ACYP2: variants seen among roughly 807,000 people sequenced by gnomAD.
ACYP2 encodes the protein acylphosphatase 2.
In ACYP2, 12 loss-of-function variants were observed where a neutral mutation model predicts 11.2. The observed-to-expected ratio is 1.08, with a 90% confidence interval of 0.69 to 1.74. ACYP2 has a LOEUF of 1.74. ACYP2 is among the 40% of genes most tolerant of loss of function. The probability of loss-of-function intolerance (pLI) is 0.00; values close to 1 mark genes in which losing one functional copy is unlikely to be tolerated. For missense variants in ACYP2, 134 were observed against 101.9 expected, an observed-to-expected ratio of 1.31 and a Z score of -1.35; for synonymous variants, 43 against 32.2, an observed-to-expected ratio of 1.33 and a Z score of -1.13.
At position 53,993,185 on chromosome 2, in the gene ACYP2, G is replaced by A. The variant is rs1485699183; in HGVS notation, c.62+19375G>A. 5.9e-5 allele frequency among the ~76,000 whole-genome samples: 9 copies of A among 152,168 alleles called. No individual in the cohort carries two copies. The East Asian group carries it at 7.7e-4, about 13-fold the overall frequency. On this transcript the variant is annotated intron_variant, in intron 2 of 6. Transcript: ENST00000607452. ...GGCACCACTGCACTTCAGCATGGGC[G>A]ACAGAGGTTGACAAGAAAAGGTTTT...
chr2:54,236,125 A>G (rs1686466896), intron 6 of ACYP2, among the ~76,000 whole-genome samples: 1 of 152,128 alleles, frequency 6.6e-6, no homozygotes, highest in East Asian at 1.9e-4. Flanking sequence ...TTTTTGAGAC[A>G]GGGTCTCACC....
intron 2 of ACYP2, among the ~76,000 whole-genome samples, chr2:54,040,417 AT>A (rs1302423893): frequency 2.6e-5 from 4 of 152,148 alleles, no homozygotes; most frequent in Admixed American, 6.6e-5. Context: ...TAGGGGAGAC[AT>A]GCAGACCGGA....
At chr2:54,274,802 A>G (rs1462172383) in intron 6 of ACYP2, among the ~76,000 whole-genome samples, 2 of 152,198 alleles carry the variant, frequency 1.3e-5, no homozygotes, top group African/African-American at 2.4e-5. Flanking sequence ...TATGAGCCAC[A>G]ATATTTGCAA....
chr2:54,018,830 G>T (rs374880473), intron 2 of ACYP2, among the ~76,000 whole-genome samples: 1 of 151,772 alleles, frequency 6.6e-6, no homozygotes, highest in African/African-American at 2.4e-5. Context: ...TCACTACAAC[G>T]TCCGCCTCCC....
At chr2:54,164,863 C>G (rs1213073842) in intron 6 of ACYP2, among the ~76,000 whole-genome samples, 1 of 152,100 alleles carries the variant, frequency 6.6e-6, no homozygotes, top group Non-Finnish European at 1.5e-5. Flanking sequence ...CTCCTCTTGC[C>G]CCTCACCCCC....
chr2:54,265,354 A>C (rs1459979641), intron 6 of ACYP2, among the ~76,000 whole-genome samples: 2 of 152,196 alleles, frequency 1.3e-5, no homozygotes, highest in Non-Finnish European at 2.9e-5. Flanking sequence ...ATCTTATGAG[A>C]CTTATTCACT....
chr2:54,102,638 C>CAAAAAAAAAAAAAAAAAA lies in ACYP2; in HGVS notation c.278-32796_278-32779dup, dbSNP rs58842257. Among the ~76,000 whole-genome samples, 8 of 83,304 alleles carry CAAAAAAAAAAAAAAAAAA rather than the reference C, an allele frequency of 9.6e-5. 2 individuals carry two copies. The highest frequency in any genetic ancestry group is 1.6e-4 in the Non-Finnish European group (7 of 43,296). 54.7% of individuals were successfully genotyped at this position (83,304 alleles called of 152,430 possible). On this transcript the variant is annotated intron_variant, in intron 4 of 6. Transcript: ENST00000607452. ...AAACCCAATTTAAGCTGGCTTAAGC[C>CAAAAAAAAAAAAAAAAAA]AAAAAAAAAAAAAAAAAAAAAAAAA...
intron 6 of ACYP2, chr2:54,256,166 G>A: frequency 3.1e-6 from 5 of 1,601,292 alleles, no homozygotes; most frequent in African/African-American, 1.3e-5. Context: ...GTAGCGGCCA[G>A]GGCAGCAGTG....
chr2:53,989,434 G>T (rs1326098921), intron 2 of ACYP2, among the ~76,000 whole-genome samples: 1 of 152,026 alleles, frequency 6.6e-6, no homozygotes, highest in Non-Finnish European at 1.5e-5. Flanking sequence ...GAATATATTT[G>T]CCCAGTTCTT....
At chr2:54,272,620 A>G (rs1156993291) in intron 6 of ACYP2, among the ~76,000 whole-genome samples, 1 of 152,252 alleles carries the variant, frequency 6.6e-6, no homozygotes, top group African/African-American at 2.4e-5. Context: ...CATTGTACCA[A>G]TGATGTCCTC....
intron 6 of ACYP2, among the ~76,000 whole-genome samples, chr2:54,238,660 G>T (rs843658): frequency 0.24 from 35,793 of 151,644 alleles, 4,530 homozygotes; most frequent in South Asian, 0.38. Context: ...TAGGCATATG[G>T]TCCACAAATT....
intron 6 of ACYP2, among the ~76,000 whole-genome samples, chr2:54,230,829 CTTT>C (rs34359444): frequency 3.1e-5 from 4 of 129,382 alleles, no homozygotes; most frequent in Non-Finnish European, 3.2e-5. Flanking sequence ...TCTTTCTTTT[CTTT>C]TTTTTTTTTT....
chr2:54,050,081 C>G (rs760049937), intron 2 of ACYP2, among the ~76,000 whole-genome samples: 1 of 152,096 alleles, frequency 6.6e-6, no homozygotes, highest in Non-Finnish European at 1.5e-5. Context: ...TCAATAGGTT[C>G]TTGGAAACTG....
At chr2:53,995,488 T>TTTTA (rs374442168) in intron 2 of ACYP2, among the ~76,000 whole-genome samples, 4,046 of 145,082 alleles carry the variant, frequency 0.028, 97 homozygotes, top group African/African-American at 0.062. Flanking sequence ...TTTATTTATT[T>TTTTA]TTTATTTATT....
At chr2:54,273,590 G>A (rs979206056) in intron 6 of ACYP2, among the ~76,000 whole-genome samples, 4 of 152,116 alleles carry the variant, frequency 2.6e-5, no homozygotes, top group East Asian at 1.9e-4. Flanking sequence ...TCAGCCTCCC[G>A]ATTAGCTAAG....
chr2:54,242,783 A>T (rs999329238), intron 6 of ACYP2, among the ~76,000 whole-genome samples: 23 of 152,224 alleles, frequency 1.5e-4, no homozygotes, highest in African/African-American at 5.3e-4. Flanking sequence ...GTTATACCAC[A>T]TATCCTAGGT....
intron 4 of ACYP2, among the ~76,000 whole-genome samples, chr2:54,098,494 A>AT (rs1678714477): frequency 6.6e-6 from 1 of 152,126 alleles, no homozygotes; most frequent in Non-Finnish European, 1.5e-5. Context: ...GATTTGACTG[A>AT]TTGCTTTCTC....
rs569806891 is a variant in ACYP2, at chr2:54,068,169, T to A, written c.277+10809T>A. On this transcript the variant is annotated intron_variant, in intron 4 of 6. Coordinates refer to ENST00000607452, the MANE Select transcript of ACYP2 (RefSeq NM_001320586.2). The stretch of plus-strand genomic sequence containing the variant: ...GATTTTCTCTGTGCCTTTAGTTGGT[T>A]CATCCCAGGAGAGAAGGGATGACTC... 4.6e-5 allele frequency among the ~76,000 whole-genome samples: 7 copies of A among 152,340 alleles called. No individual in the cohort carries two copies. In the South Asian group the frequency reaches 1.4e-3, roughly 32 times the overall value.
intron 2 of ACYP2, among the ~76,000 whole-genome samples, chr2:53,989,985 T>TC (rs200397123): frequency 0.39 from 52,522 of 133,904 alleles, 9,818 homozygotes; most frequent in South Asian, 0.47. Flanking sequence ...TCTTTTCTTT[T>TC]TTTTTTTTTT....
Sources: allele counts gnomAD v4.1 joint callset (sites outside exome capture counted in the v4.1 genomes callset), GRCh38; gene constraint gnomAD v4.1.1; transcripts MANE v1.5; gene names NCBI Gene and HGNC (gene_info 2026-07-23, HGNC 2026-07-21).